The following SAMD5 variants were observed in gnomAD, a reference collection of about 807,000 sequenced individuals.
SAMD5 encodes the protein sterile alpha motif domain containing 5.
A neutral mutation model predicts 11.3 loss-of-function variants in SAMD5; 13 were observed. That is an observed-to-expected ratio of 1.15 (90% CI 0.75 to 1.83). The LOEUF (loss-of-function observed/expected upper bound fraction) is 1.83. Among genes scored for constraint, SAMD5 ranks in the 40% most tolerant of loss-of-function variants. SAMD5 has a pLI of 0.00. For missense variants in SAMD5, 255 were observed against 239.1 expected (o/e 1.07, Z -0.44); for synonymous variants, 129 against 111.3 (o/e 1.16, Z -1.00).
At chr6:147,871,504 T>C in the SAMD5 span, among the ~76,000 whole-genome samples, 1 of 152,236 alleles carries the variant, frequency 6.6e-6, no homozygotes, top group African/African-American at 2.4e-5. Context: ...TAAAGATGAC[T>C]GGGCAGAGCC....
chr6:147,888,887 A>G, the SAMD5 span, among the ~76,000 whole-genome samples: 1 of 19,152 alleles, frequency 5.2e-5, no homozygotes, highest in African/African-American at 8.1e-4. Context: ...CTCCATCTCA[A>G]AAAAAAAAAA....
At chr6:147,602,337 A>AT (rs1161860222) in intron 1 of SAMD5, among the ~76,000 whole-genome samples, 1 of 152,142 alleles carries the variant, frequency 6.6e-6, no homozygotes, top group Non-Finnish European at 1.5e-5. Context: ...ATACTAATGT[A>AT]TTTTTTTCCA....
the SAMD5 span, among the ~76,000 whole-genome samples, chr6:147,931,025 C>T: frequency 6.6e-6 from 1 of 152,146 alleles, no homozygotes; most frequent in African/African-American, 2.4e-5. Flanking sequence ...GTCAAGTTGA[C>T]AGCTAATGTT....
chr6:147,614,600 T>C (rs1467999588), intron 1 of SAMD5, among the ~76,000 whole-genome samples: 1 of 151,920 alleles, frequency 6.6e-6, no homozygotes, highest in Non-Finnish European at 1.5e-5. Context: ...ATCCCATGTC[T>C]ATGAAGATGA....
At chr6:147,674,244 G>A (rs1790833405) in intron 1 of SAMD5, among the ~76,000 whole-genome samples, 2 of 152,168 alleles carry the variant, frequency 1.3e-5, no homozygotes, top group African/African-American at 4.8e-5. Flanking sequence ...CCTAGGTAAT[G>A]GAGATGGAGA....
At chr6:147,914,916 G>A in the SAMD5 span, among the ~76,000 whole-genome samples, 29 of 152,186 alleles carry the variant, frequency 1.9e-4, no homozygotes, top group Middle Eastern at 6.8e-3. Context: ...AAATAAAAAA[G>A]GGAGCAGGAA....
chr6:147,587,072 GTATT>G (rs1160333567), intron 1 of SAMD5, among the ~76,000 whole-genome samples: 1 of 152,062 alleles, frequency 6.6e-6, no homozygotes, highest in Non-Finnish European at 1.5e-5. Flanking sequence ...TGGGGTTTGA[GTATT>G]TATTTATTTG....
chr6:147,721,294 A>C (rs1192177227), intron 1 of SAMD5, among the ~76,000 whole-genome samples: 1 of 150,480 alleles, frequency 6.6e-6, no homozygotes, highest in Non-Finnish European at 1.5e-5. Context: ...ACAATGGTTG[A>C]ACTAGTTTAC....
intron 1 of SAMD5, among the ~76,000 whole-genome samples, chr6:147,577,479 A>T (rs970834398): frequency 1.3e-5 from 2 of 151,986 alleles, no homozygotes; most frequent in South Asian, 2.1e-4. Context: ...TCTTTCCCTC[A>T]TTCCTTTCTT....
At chr6:147,832,874 T>A in the SAMD5 span, among the ~76,000 whole-genome samples, 1 of 152,218 alleles carries the variant, frequency 6.6e-6, no homozygotes, top group East Asian at 1.9e-4. Context: ...ATTGTAATAA[T>A]GTTGTGAGCT....
intron 1 of SAMD5, among the ~76,000 whole-genome samples, chr6:147,628,244 A>G (rs1410798436): frequency 2.6e-5 from 4 of 152,316 alleles, no homozygotes; most frequent in African/African-American, 9.6e-5. Context: ...ATTACAATCT[A>G]ATATACTAAA....
At chr6:147,886,492 T>C in the SAMD5 span, among the ~76,000 whole-genome samples, 3 of 151,892 alleles carry the variant, frequency 2.0e-5, no homozygotes, top group Admixed American at 6.6e-5. Context: ...TTGGTGGTCC[T>C]GCCTTTCTGT....
chr6:147,895,019 T>C, the SAMD5 span, among the ~76,000 whole-genome samples: 1 of 152,346 alleles, frequency 6.6e-6, no homozygotes, highest in South Asian at 2.1e-4. Context: ...ATAAAAATTA[T>C]TCTGCAGGAA....
At chr6:147,630,440 C>T (rs1022762004) in intron 1 of SAMD5, among the ~76,000 whole-genome samples, 22 of 152,238 alleles carry the variant, frequency 1.4e-4, no homozygotes, top group African/African-American at 5.3e-4. Flanking sequence ...TGAAGAATCA[C>T]AAAATAAGTG....
chr6:147,606,963 CAAA>C (rs11377845), intron 1 of SAMD5, among the ~76,000 whole-genome samples: 2 of 131,358 alleles, frequency 1.5e-5, no homozygotes, highest in African/African-American at 3.0e-5. Flanking sequence ...CAGCTTTATC[CAAA>C]AAAAAAAAAA....
At chr6:147,832,067 G>T in the SAMD5 span, among the ~76,000 whole-genome samples, 1 of 152,000 alleles carries the variant, frequency 6.6e-6, no homozygotes, top group East Asian at 1.9e-4. Flanking sequence ...ATATGGAAGA[G>T]AAAGGAAGGA....
the SAMD5 span, among the ~76,000 whole-genome samples, chr6:147,771,736 T>A: frequency 1.3e-5 from 2 of 152,326 alleles, no homozygotes; most frequent in South Asian, 4.1e-4. Flanking sequence ...GTCACTGGTG[T>A]CTTTCTCTTC....
intron 1 of SAMD5, among the ~76,000 whole-genome samples, chr6:147,547,261 G>A: frequency 6.6e-6 from 1 of 152,214 alleles, no homozygotes; most frequent in Non-Finnish European, 1.5e-5. Context: ...TTATCTCATA[G>A]TTCTGTGGGT....
the SAMD5 span, among the ~76,000 whole-genome samples, chr6:147,867,326 A>G: frequency 5.5e-3 from 743 of 136,236 alleles, 6 homozygotes; most frequent in Non-Finnish European, 6.4e-3. Flanking sequence ...ATGTTTTTAT[A>G]CTCTAAAATA....
Sources: gnomAD v4.1 joint callset for allele counts (sites outside exome capture counted in the v4.1 genomes callset) on GRCh38, gnomAD v4.1.1 for gene constraint, MANE v1.5 for transcripts, NCBI Gene and HGNC (gene_info 2026-07-23, HGNC 2026-07-21) for gene names.